The following GNLY variants were observed in gnomAD, a reference collection of about 807,000 sequenced individuals.
GNLY encodes granulysin, also known as T-cell activation protein 519.
A neutral mutation model predicts 18.5 loss-of-function variants in GNLY; 15 were observed. The observed-to-expected ratio is 0.81, with a 90% CI of 0.54 to 1.25. The LOEUF (loss-of-function observed/expected upper bound fraction) is 1.25. Ranked by LOEUF, GNLY falls within the 50% of genes most tolerant of loss-of-function variation. GNLY has a pLI of 0.00. For missense variants in GNLY, 178 were observed against 186.9 expected (o/e 0.95, Z 0.28); for synonymous variants, 77 against 74.9 (o/e 1.03, Z -0.14).
intron 4 of GNLY, chr2:85,698,263 T>C (rs1866141): frequency 0.4 from 247,489 of 618,386 alleles, 50,619 homozygotes; most frequent in East Asian, 0.56. Context: ...CTGTAGGAAA[T>C]GGGGCCAGAA....
At position 85,695,288 on chromosome 2, in the gene GNLY, C is replaced by T. The variant is rs571858734; in HGVS notation, c.53-32C>T. On this transcript the variant is annotated intron_variant, in intron 1 of 4. Coordinates refer to ENST00000263863, the MANE Select transcript of GNLY (RefSeq NM_006433.5). ...CGGGCTTTCCCTCTCCTTCCGCCTG[C>T]GGAGGGGAAGCTGAAGTCTGGTCTT... 2.1e-5 allele frequency: 31 copies of T among 1,456,688 alleles called. No homozygotes were observed. In the East Asian group the frequency reaches 3.2e-4, roughly 15 times the overall value. The allele number at this position is 1,456,688 out of a possible 1,614,324, so 90.2% of individuals were successfully genotyped here.
chr2:85,697,858 C>T (rs987307617), intron 4 of GNLY, among the ~76,000 whole-genome samples, 181 bp downstream of exon 4: 5 of 152,234 alleles, frequency 3.3e-5, no homozygotes, highest in Non-Finnish European at 7.3e-5. Flanking sequence ...GCTTCAGACA[C>T]AGGTGGTCGT....
In GNLY at chr2:85,695,976, A is replaced by G; in HGVS notation, c.175A>G (p.Thr59Ala). 12 of 1,608,918 alleles carry G rather than the reference A, an allele frequency of 7.5e-6. No homozygotes were observed. The highest frequency in any genetic ancestry group is 1.3e-5 in the African/African-American group (1 of 74,926). The stretch of plus-strand genomic sequence containing the variant: ...CTGACAGGGTGACCTGTTGACCAAA[A>G]CACAGGAGCTGGGCCGTGACTACAG... ...EGPQGDLLTKTQELGRDYRTC... is the reference protein window; with the variant it reads ...EGPQGDLLTKAQELGRDYRTC... The change falls in exon 3 of 5, where the codon ACA (threonine) becomes GCA (alanine). Residue 59 changes from threonine to alanine, a missense_variant. Physicochemically the swap from Thr to Ala is moderately conservative, Grantham distance 58 (BLOSUM62 0). Transcript: ENST00000263863.
At chr2:85,695,493 T>C in intron 2 of GNLY, 70 bp downstream of exon 2, 1 of 906,472 alleles carries the variant, frequency 1.1e-6, no homozygotes, top group Non-Finnish European at 1.8e-6. Context: ...GCTCCTGGGG[T>C]GAGGTCTGGA....
At position 85,698,582 on chromosome 2, in the gene GNLY, C is replaced by T. The variant is rs1257611733; in HGVS notation, c.*8C>T. The T allele has an allele frequency of 1.2e-6, 2 of 1,613,578 alleles. No individual in the cohort carries two copies. Among genetic ancestry groups the T allele is most frequent in the Non-Finnish European group, 1.7e-6 (2 of 1,179,640 alleles). On this transcript the variant is annotated 3_prime_UTR_variant, in exon 5 of 5. Coordinates refer to ENST00000263863, the MANE Select transcript of GNLY (RefSeq NM_006433.5). ...TCTCCAGGTCCCCTCTGAGCCCTCT[C>T]ACCTTGTCCTGTGGAAGAAGCACAG...
chr2:85,694,425 A>G lies in GNLY; in HGVS notation c.7A>G (p.Thr3Ala), dbSNP rs953572757. 1.2e-6 allele frequency: 2 copies of G among 1,614,080 alleles called. No homozygotes were observed. The highest frequency in any genetic ancestry group is 1.7e-6 in the Non-Finnish European group (2 of 1,179,964). MA[T>A]WALLLLAAML... The stretch of plus-strand genomic sequence containing the variant: ...TCTCAGCGGCTGCCCCACCATGGCT[A>G]CCTGGGCCCTCCTGCTCCTTGCAGC... The change falls in exon 1 of 5, where the codon ACC becomes GCC. Residue 3 changes from threonine (T) to alanine (A), a missense_variant. By Grantham distance (58) the Thr-to-Ala change is moderately conservative. Transcript: ENST00000263863.
In GNLY at chr2:85,694,431, G is replaced by T. The variant is rs1426328863; in HGVS notation, c.13G>T (p.Ala5Ser). ...CGGCTGCCCCACCATGGCTACCTGG[G>T]CCCTCCTGCTCCTTGCAGCCATGCT... MATW[A>S]LLLLAAMLLG... Residue 5 changes from alanine to serine, a missense_variant, in exon 1 of 5, where the codon GCC (alanine) becomes TCC (serine). Transcript: ENST00000263863. 3.1e-6 allele frequency: 5 copies of T among 1,614,078 alleles called. 1 individual carries two copies. In the South Asian group the frequency reaches 4.4e-5, roughly 14 times the overall value.
Position 85,698,611 on chromosome 2 carries a change from C to T in GNLY, c.*37C>T. ...TTGTCCTGTGGAAGAAGCACAGGCT[C>T]CTGTCCTCAGATCCCGGGAACCTCA... On this transcript the variant is annotated 3_prime_UTR_variant, in exon 5 of 5. Coordinates refer to ENST00000263863, the MANE Select transcript of GNLY (RefSeq NM_006433.5). The T allele has an allele frequency of 6.2e-7, 1 of 1,613,826 alleles. No individual in the cohort carries two copies. Among genetic ancestry groups the T allele is most frequent in the Non-Finnish European group, 8.5e-7 (1 of 1,179,912 alleles).
chr2:85,696,943 T>A (rs1347237067), intron 3 of GNLY: 1 of 156,800 alleles, frequency 6.4e-6, no homozygotes, highest in Non-Finnish European at 1.4e-5. Context: ...AATTATTGTT[T>A]CACTCTCCCT....
chr2:85,694,921 G>A (rs1314949189), intron 1 of GNLY: 2 of 1,570,628 alleles, frequency 1.3e-6, no homozygotes, highest in South Asian at 1.2e-5. Flanking sequence ...CCCAGGCCTT[G>A]AGGTCAGTGT....
chr2:85,694,696 T>C lies in GNLY; in HGVS notation c.52+226T>C, dbSNP rs931579342. On this transcript the variant is annotated intron_variant, in intron 1 of 4. Transcript: ENST00000263863. ...AGGAGGAGAGACAGGCCAGGGATTC[T>C]GGTCCTAACTCTACTGGCCACACTG... The C allele has an allele frequency of 4.4e-5, 61 of 1,385,528 alleles. No individual in the cohort carries two copies. The South Asian group carries it at 7.7e-4, about 18-fold the overall frequency. The allele number at this position is 1,385,528 out of a possible 1,614,324, so 85.8% of individuals were successfully genotyped here. A position where few individuals can be genotyped will look rare whatever the true frequency, so the allele number is the denominator to read the frequency against.
rs371111427 is a variant in GNLY at position 85,694,486 on chromosome 2, C to T, written c.52+16C>T. 38 of 1,612,510 alleles carry T rather than the reference C, an allele frequency of 2.4e-5. No homozygotes were observed. Among genetic ancestry groups the T allele is most frequent in the Admixed American group, 3.3e-5 (2 of 59,952 alleles). The stretch of plus-strand genomic sequence containing the variant: ...GGCAACCCAGGTAAGGCCTTCCCCT[C>T]GGGATCGATCCTGATGGCCCACCCA... On this transcript the variant is annotated intron_variant, in intron 1 of 4. Coordinates refer to ENST00000263863, the MANE Select transcript of GNLY (RefSeq NM_006433.5).
In GNLY at chr2:85,694,409, C is replaced by A; in HGVS notation, c.-10C>A. The stretch of plus-strand genomic sequence containing the variant: ...CAGGGTGTGAAAGGCATCTCAGCGG[C>A]TGCCCCACCATGGCTACCTGGGCCC... On this transcript the variant is annotated 5_prime_UTR_variant, in exon 1 of 5. In the 5' UTR this introduces an upstream ATG that the reference lacks. Coordinates refer to ENST00000263863, the MANE Select transcript of GNLY (RefSeq NM_006433.5). 1 of 1,613,818 alleles carries A rather than the reference C, an allele frequency of 6.2e-7. No homozygotes were observed. The highest frequency in any genetic ancestry group is 2.2e-5 in the East Asian group (1 of 44,892).
intron 4 of GNLY, 24 bp downstream of exon 4, chr2:85,697,701 G>A (rs776091099): frequency 6.5e-7 from 1 of 1,550,166 alleles, no homozygotes; most frequent in Non-Finnish European, 8.9e-7. Context: ...TGACAGCAGG[G>A]ATACCTCCTG....
Position 85,697,490 on chromosome 2 carries a change from G to A in GNLY, c.256-16G>A, listed in dbSNP as rs761741413. On this transcript the variant is annotated splice_polypyrimidine_tract_variant and intron_variant, in intron 3 of 4. Transcript: ENST00000263863. ...CTCACCCTATAACCATGTCCACTGT[G>A]GTGCTGCTGCTGCAGAGAAGTGTTT... 5 of 1,609,926 alleles carry A rather than the reference G, an allele frequency of 3.1e-6. No individual in the cohort carries two copies. Among genetic ancestry groups the A allele is most frequent in the African/African-American group, 1.3e-5 (1 of 74,834 alleles).
chr2:85,694,854 G>A (rs1346571215), intron 1 of GNLY: 2 of 1,529,036 alleles, frequency 1.3e-6, no homozygotes, highest in Non-Finnish European at 1.7e-6. Flanking sequence ...GCTGGTGAGA[G>A]AACAAGATCT....
chr2:85,695,667 A>G (rs1678414387), intron 2 of GNLY, among the ~76,000 whole-genome samples: 1 of 152,146 alleles, frequency 6.6e-6, no homozygotes, highest in Non-Finnish European at 1.5e-5. Context: ...TGCAGAACCC[A>G]AATAGGCAGA....
chr2:85,698,722 T>C lies in GNLY; in HGVS notation c.*148T>C. 6.4e-7 allele frequency: 1 copy of C among 1,565,556 alleles called. No individual in the cohort carries two copies. Among genetic ancestry groups the C allele is most frequent in the East Asian group, 2.3e-5 (1 of 42,848 alleles). On this transcript the variant is annotated 3_prime_UTR_variant, in exon 5 of 5. Transcript: ENST00000263863. ...TGACTCCCTCTGCTGTCCTCCCCTCTCACGAGAATAAAGTGTCAAGCAAGA... is the reference window on the plus strand; with the variant it reads ...TGACTCCCTCTGCTGTCCTCCCCTCCCACGAGAATAAAGTGTCAAGCAAGA...
At chr2:85,696,317 C>G in intron 3 of GNLY, 1 of 419,074 alleles carries the variant, frequency 2.4e-6, no homozygotes, top group East Asian at 4.2e-5. Context: ...GGGCTTGTCC[C>G]AGAGAAGTTA....
Sources: allele counts gnomAD v4.1 joint callset (sites outside exome capture counted in the v4.1 genomes callset), GRCh38; gene constraint gnomAD v4.1.1; transcripts MANE v1.5; gene names NCBI Gene and HGNC (gene_info 2026-07-23, HGNC 2026-07-21).